The following NRG3 variants were observed in gnomAD, a reference collection of about 807,000 sequenced individuals.
NRG3 encodes pro-neuregulin-3, membrane-bound isoform.
A neutral mutation model predicts 66.9 loss-of-function variants in NRG3; 31 were observed. That is an observed-to-expected ratio of 0.46 (90% confidence interval 0.35 to 0.63). The LOEUF (loss-of-function observed/expected upper bound fraction) is 0.63, where lower values mean the gene tolerates loss of function less well. Ranked by LOEUF, NRG3 falls within the 20% of genes least tolerant of loss-of-function variation. The probability of loss-of-function intolerance (pLI) is 0.00; values close to 1 mark genes in which losing one functional copy is unlikely to be tolerated. For missense variants in NRG3, 910 were observed against 878.9 expected, an observed-to-expected ratio of 1.04 and a Z score of -0.45; for synonymous variants, 393 against 359.4, an observed-to-expected ratio of 1.09 and a Z score of -1.06.
intron 1 of NRG3, among the ~76,000 whole-genome samples, chr10:82,118,784 A>G (rs1451041051): frequency 6.6e-6 from 1 of 152,136 alleles, no homozygotes; most frequent in African/African-American, 2.4e-5. Context: ...ATCATAGCCT[A>G]TGCAAGTGTG....
At chr10:82,798,103 GA>G (rs1227668172) in intron 3 of NRG3, among the ~76,000 whole-genome samples, 3 of 151,832 alleles carry the variant, frequency 2.0e-5, no homozygotes, top group Non-Finnish European at 2.9e-5. Flanking sequence ...GAACCTACTT[GA>G]AAAAAAGTGT....
intron 1 of NRG3, among the ~76,000 whole-genome samples, chr10:82,232,075 C>A (rs2076503304): frequency 6.6e-6 from 1 of 152,074 alleles, no homozygotes; most frequent in South Asian, 2.1e-4. Context: ...GTAGGTCTCT[C>A]AGTTTTGCAA....
rs1280511935 is a variant in NRG3 at position 82,980,472 on chromosome 10, T to G, written c.1583+1352T>G. Among the ~76,000 whole-genome samples, 4 of 152,196 alleles carry G rather than the reference T, an allele frequency of 2.6e-5. No individual in the cohort carries two copies. The East Asian group carries it at 7.7e-4, about 29-fold the overall frequency. ...TCTTGTGGCTCTGTTTTTATCTCTC[T>G]GAACGAGCCAAGCCAGGTTTCTATG... On this transcript the variant is annotated intron_variant, in intron 8 of 8. Coordinates refer to ENST00000372141, the MANE Select transcript of NRG3 (RefSeq NM_001010848.4).
Position 82,313,616 on chromosome 10 carries a change from T to A in NRG3, c.824-45123T>A, listed in dbSNP as rs531360885. Among the ~76,000 whole-genome samples the A allele has an allele frequency of 2.0e-5, 3 of 151,058 alleles. No individual in the cohort carries two copies. In the South Asian group the frequency reaches 6.3e-4, roughly 32 times the overall value. On this transcript the variant is annotated intron_variant, in intron 1 of 8. Coordinates refer to ENST00000372141, the MANE Select transcript of NRG3 (RefSeq NM_001010848.4). The stretch of plus-strand genomic sequence containing the variant: ...TCAAAAAGCAACCGTAGCCCATAAA[T>A]AGCCTGATGATGGATGTGGGAATGA...
At chr10:81,929,394 C>A (rs1194735114) in intron 1 of NRG3, among the ~76,000 whole-genome samples, 2 of 152,130 alleles carry the variant, frequency 1.3e-5, no homozygotes, top group Non-Finnish European at 2.9e-5. Context: ...ATGAAAGATG[C>A]AGTATGAAAT....
intron 2 of NRG3, among the ~76,000 whole-genome samples, chr10:82,595,044 C>G (rs1164672458): frequency 6.6e-6 from 1 of 151,814 alleles, no homozygotes; most frequent in Non-Finnish European, 1.5e-5. Context: ...TGGTCTCAAA[C>G]TCCTGGCCTC....
intron 3 of NRG3, among the ~76,000 whole-genome samples, chr10:82,801,251 C>G (rs2061023769): frequency 6.6e-6 from 1 of 152,074 alleles, no homozygotes; most frequent in African/African-American, 2.4e-5. Context: ...TGTTTAATCT[C>G]AGGAATCTGG....
At chr10:81,984,669 T>A (rs1010336927) in intron 1 of NRG3, among the ~76,000 whole-genome samples, 2 of 152,236 alleles carry the variant, frequency 1.3e-5, no homozygotes, top group South Asian at 4.1e-4. Context: ...TCCACAGACA[T>A]AAATGTTTGC....
At chr10:82,891,211 G>T (rs1460810220) in intron 4 of NRG3, among the ~76,000 whole-genome samples, 1 of 151,514 alleles carries the variant, frequency 6.6e-6, no homozygotes, top group East Asian at 1.9e-4. Context: ...ATCTATAGAT[G>T]AGTTTGAAAA....
chr10:81,936,041 G>A (rs1370636864), intron 1 of NRG3, among the ~76,000 whole-genome samples: 1 of 152,046 alleles, frequency 6.6e-6, no homozygotes, highest in Non-Finnish European at 1.5e-5. Flanking sequence ...TTATGGTCCT[G>A]CCTGTGTTCA....
rs370048564 is a variant in NRG3, at chr10:82,545,023, TG to T, written c.953+186156del. ...AAAACAGCAACTACTTAAGAGATGCTGATATTGAACTTCCACCTGAAATCTA... is the reference window on the plus strand; with the variant it reads ...AAAACAGCAACTACTTAAGAGATGCTATATTGAACTTCCACCTGAAATCTA... On this transcript the variant is annotated intron_variant, in intron 2 of 8. Coordinates refer to ENST00000372141, the MANE Select transcript of NRG3 (RefSeq NM_001010848.4). Among the ~76,000 whole-genome samples the T allele has an allele frequency of 4.4e-3, 668 of 152,276 alleles. 5 individuals are homozygous for T. Among genetic ancestry groups the T allele is most frequent in the African/African-American group, 0.016 (644 of 41,546 alleles).
At chr10:81,993,317 G>T (rs1403854617) in intron 1 of NRG3, among the ~76,000 whole-genome samples, 2 of 152,082 alleles carry the variant, frequency 1.3e-5, no homozygotes, top group African/African-American at 4.8e-5. Context: ...ACACAGCTTA[G>T]TTTAAAGTAG....
chr10:82,462,397 T>C (rs967839449), intron 2 of NRG3, among the ~76,000 whole-genome samples: 24 of 151,338 alleles, frequency 1.6e-4, no homozygotes, highest in Middle Eastern at 3.4e-3. Flanking sequence ...CATATACACA[T>C]ATATATATAT....
At chr10:82,824,149 G>T (rs1183428938) in intron 3 of NRG3, among the ~76,000 whole-genome samples, 1 of 152,002 alleles carries the variant, frequency 6.6e-6, no homozygotes, top group East Asian at 1.9e-4. Context: ...TTTTGTATCT[G>T]GCTTCTTTCA....
At chr10:82,307,882 G>T (rs2080829888) in intron 1 of NRG3, among the ~76,000 whole-genome samples, 1 of 150,658 alleles carries the variant, frequency 6.6e-6, no homozygotes, top group Non-Finnish European at 1.5e-5. Context: ...TTACATTTAT[G>T]CTGTGTAGGT....
At chr10:82,048,853 C>G (rs1484269934) in intron 1 of NRG3, among the ~76,000 whole-genome samples, 1 of 150,302 alleles carries the variant, frequency 6.7e-6, no homozygotes, top group South Asian at 2.1e-4. Flanking sequence ...AGACCGCTAG[C>G]AAGACTAATA....
At chr10:82,727,116 A>G (rs946654890) in intron 2 of NRG3, among the ~76,000 whole-genome samples, 1 of 152,216 alleles carries the variant, frequency 6.6e-6, no homozygotes, top group Non-Finnish European at 1.5e-5. Flanking sequence ...TTATAAGGGA[A>G]GCAGAGCATA....
chr10:82,891,787 G>A (rs935956625), intron 4 of NRG3, among the ~76,000 whole-genome samples: 1 of 151,722 alleles, frequency 6.6e-6, no homozygotes, highest in Admixed American at 6.6e-5. Context: ...CTCTGTCTGG[G>A]TAGACCATCT....
intron 2 of NRG3, among the ~76,000 whole-genome samples, chr10:82,621,339 C>A (rs2049027340): frequency 6.6e-6 from 1 of 152,202 alleles, no homozygotes; most frequent in Non-Finnish European, 1.5e-5. Flanking sequence ...GTCTTGGAGA[C>A]AAACAGACCT....
Sources: allele counts gnomAD v4.1 joint callset (sites outside exome capture counted in the v4.1 genomes callset), GRCh38; gene constraint gnomAD v4.1.1; transcripts MANE v1.5; gene names NCBI Gene and HGNC (gene_info 2026-07-23, HGNC 2026-07-21).